Variants in PTPRD observed in about 807,000 individuals in gnomAD.
The protein encoded by PTPRD is receptor-type tyrosine-protein phosphatase delta.
In PTPRD, 34 loss-of-function variants were observed where a neutral mutation model predicts 214.5. The observed-to-expected ratio is 0.16, with a 90% CI of 0.12 to 0.21. The LOEUF is 0.21. Among genes scored for constraint, PTPRD ranks in the 10% least tolerant of loss-of-function variants. PTPRD has a pLI of 1.00. For synonymous variants in PTPRD, 1,128 were observed against 845.7 expected, an observed-to-expected ratio of 1.33 and a Z score of -5.79; for missense variants, 2,545 against 2,398.7, an observed-to-expected ratio of 1.06 and a Z score of -1.27.
chr9:9,170,141 T>C (rs570039044), intron 10 of PTPRD, among the ~76,000 whole-genome samples: 1 of 152,296 alleles, frequency 6.6e-6, no homozygotes, highest in African/African-American at 2.4e-5. Context: ...CAATCTGTGA[T>C]TACAAAATTG....
At chr9:9,875,615 T>G (rs374021815) in intron 5 of PTPRD, among the ~76,000 whole-genome samples, 9 of 152,128 alleles carry the variant, frequency 5.9e-5, no homozygotes, top group African/African-American at 1.7e-4. Flanking sequence ...ATAGAATTAT[T>G]GTAGGTTAAC....
intron 7 of PTPRD, among the ~76,000 whole-genome samples, chr9:9,584,373 T>TTATTATTATTATTATTA (rs1379074479): frequency 1.9e-4 from 29 of 151,288 alleles, no homozygotes; most frequent in Admixed American, 5.9e-4. Flanking sequence ...ATTATTATTA[T>TTATTATTATTATTATTA]TATTATTTGC....
chr9:9,592,813 G>A (rs2092875109), intron 7 of PTPRD, among the ~76,000 whole-genome samples: 1 of 152,076 alleles, frequency 6.6e-6, no homozygotes, highest in Non-Finnish European at 1.5e-5. Flanking sequence ...GGGAGGTTGA[G>A]GTGGGTGGAT....
chr9:8,622,447 A>T (rs1456575896), intron 14 of PTPRD, among the ~76,000 whole-genome samples: 1 of 152,004 alleles, frequency 6.6e-6, no homozygotes, highest in African/African-American at 2.4e-5. Flanking sequence ...TAGCTTGAAA[A>T]GGTGTAAGCT....
chr9:8,552,088 G>C (rs1456475961), intron 14 of PTPRD, among the ~76,000 whole-genome samples: 1 of 152,120 alleles, frequency 6.6e-6, no homozygotes, highest in Non-Finnish European at 1.5e-5. Context: ...CCAGAGGCCT[G>C]TGACCATCAC....
At chr9:8,977,555 GTCA>G (rs2099274855) in intron 11 of PTPRD, among the ~76,000 whole-genome samples, 1 of 151,872 alleles carries the variant, frequency 6.6e-6, no homozygotes, top group African/African-American at 2.4e-5. Flanking sequence ...TTGTCATACA[GTCA>G]TCATCTTGAA....
chr9:9,482,167 G>T (rs1237498819), intron 8 of PTPRD, among the ~76,000 whole-genome samples: 1 of 151,830 alleles, frequency 6.6e-6, no homozygotes, highest in Non-Finnish European at 1.5e-5. Flanking sequence ...TTTGGGGAGA[G>T]GTGGGGTGCT....
At chr9:8,864,653 A>G (rs940714986) in intron 11 of PTPRD, among the ~76,000 whole-genome samples, 4 of 152,186 alleles carry the variant, frequency 2.6e-5, no homozygotes, top group African/African-American at 7.2e-5. Context: ...TTCACGTTGC[A>G]GGGAGCGCAT....
intron 2 of PTPRD, among the ~76,000 whole-genome samples, chr9:10,477,393 G>A (rs927499931): frequency 6.6e-6 from 1 of 152,038 alleles, no homozygotes; most frequent in African/African-American, 2.4e-5. Context: ...CTCATCATCA[G>A]TGGTCATCAG....
chr9:8,665,112 G>C (rs2097145156), intron 12 of PTPRD, among the ~76,000 whole-genome samples: 1 of 152,172 alleles, frequency 6.6e-6, no homozygotes, highest in Non-Finnish European at 1.5e-5. Context: ...CAAAAACTGA[G>C]TTCGAATTTT....
intron 5 of PTPRD, among the ~76,000 whole-genome samples, chr9:9,806,076 G>A (rs1216200005): frequency 1.3e-5 from 2 of 152,090 alleles, no homozygotes; most frequent in African/African-American, 2.4e-5. Context: ...AACAGGAGAT[G>A]AAGTAAATTT....
chr9:8,455,398 T>C (rs2096151432), intron 33 of PTPRD, among the ~76,000 whole-genome samples: 3 of 152,210 alleles, frequency 2.0e-5, no homozygotes, highest in South Asian at 4.1e-4. Flanking sequence ...AATATGTTGA[T>C]TGTGTAAATA....
chr9:9,203,410 C>T (rs1381403405), intron 9 of PTPRD, among the ~76,000 whole-genome samples: 2 of 152,088 alleles, frequency 1.3e-5, no homozygotes, highest in Non-Finnish European at 2.9e-5. Context: ...TTATGCTTTA[C>T]CACATATCCC....
chr9:8,668,235 G>A (rs1437189546), intron 12 of PTPRD, among the ~76,000 whole-genome samples: 1 of 152,048 alleles, frequency 6.6e-6, no homozygotes, highest in African/African-American at 2.4e-5. Flanking sequence ...AAAGCCACAT[G>A]CTCATTTATT....
In PTPRD at chr9:8,682,395, T is replaced by C. The variant is rs1053537432; in HGVS notation, c.65-45551A>G. Among the ~76,000 whole-genome samples the C allele has an allele frequency of 7.0e-4, 101 of 145,154 alleles. 5 individuals carry two copies. Among genetic ancestry groups the C allele is most frequent in the Non-Finnish European group, 6.0e-5 (4 of 66,384 alleles). On this transcript the variant is annotated intron_variant, in intron 12 of 45. Coordinates refer to ENST00000381196, the MANE Select transcript of PTPRD (RefSeq NM_002839.4). The stretch of plus-strand genomic sequence containing the variant: ...TAATTAACACCTTTCAAAGAAAACA[T>C]AAATGTTTGGGGGGATACATATCCA...
chr9:8,794,992 T>C (rs1600035274), intron 11 of PTPRD, among the ~76,000 whole-genome samples: 1 of 125,224 alleles, frequency 8.0e-6, no homozygotes, highest in African/African-American at 2.8e-5. Context: ...AACAAAGTTG[T>C]TTATCTTCTT....
At chr9:10,284,940 T>G (rs1169047149) in intron 3 of PTPRD, among the ~76,000 whole-genome samples, 1 of 152,204 alleles carries the variant, frequency 6.6e-6, no homozygotes, top group Non-Finnish European at 1.5e-5. Flanking sequence ...TATAACATAA[T>G]CTGAATGAGT....
At chr9:9,204,560 T>G (rs1239126648) in intron 9 of PTPRD, among the ~76,000 whole-genome samples, 1 of 152,146 alleles carries the variant, frequency 6.6e-6, no homozygotes, top group Non-Finnish European at 1.5e-5. Flanking sequence ...TATAGAGTAC[T>G]CTATATAACT....
chr9:9,051,335 C>G (rs533704730), intron 10 of PTPRD, among the ~76,000 whole-genome samples: 1 of 152,218 alleles, frequency 6.6e-6, no homozygotes, highest in South Asian at 2.1e-4. Flanking sequence ...AAATGTGATA[C>G]TTTCAAATTG....
Sources: allele counts gnomAD v4.1 joint callset (sites outside exome capture counted in the v4.1 genomes callset), GRCh38; gene constraint gnomAD v4.1.1; transcripts MANE v1.5; gene names NCBI Gene and HGNC (gene_info 2026-07-23, HGNC 2026-07-21).